Variants in WDPCP observed in about 807,000 individuals in gnomAD.
WDPCP encodes the protein WD repeat containing planar cell polarity effector.
Under a neutral mutation model 93.1 loss-of-function variants are expected in WDPCP, and 71 were observed. The observed-to-expected ratio is 0.76, with a 90% CI of 0.63 to 0.93. WDPCP has a LOEUF of 0.93. Ranked by LOEUF, WDPCP falls within the 40% of genes least tolerant of loss-of-function variation. WDPCP has a pLI of 0.00. For missense variants in WDPCP, 844 were observed against 887.4 expected (o/e 0.95, Z 0.62); for synonymous variants, 315 against 315.0 (o/e 1.00, Z 0.00).
chr2:63,420,361 T>TAAAAAAAAAAAA (rs60889615), intron 9 of WDPCP, among the ~76,000 whole-genome samples: 1 of 120,538 alleles, frequency 8.3e-6, no homozygotes, highest in African/African-American at 3.4e-5. Flanking sequence ...CATCTTTACT[T>TAAAAAAAAAAAA]AAAAAAAAAA....
chr2:63,538,093 A>T (rs939711796), intron 1 of WDPCP, among the ~76,000 whole-genome samples: 7 of 152,174 alleles, frequency 4.6e-5, no homozygotes, highest in African/African-American at 1.7e-4. Context: ...AATAAATCTT[A>T]AACTTTAAAG....
chr2:63,524,663 T>C (rs1703189190), intron 1 of WDPCP, among the ~76,000 whole-genome samples: 2 of 152,174 alleles, frequency 1.3e-5, no homozygotes. Flanking sequence ...GAAGACAACC[T>C]AGGAAATACC....
chr2:63,351,690 A>T (rs1689627303), intron 12 of WDPCP, among the ~76,000 whole-genome samples: 1 of 152,178 alleles, frequency 6.6e-6, no homozygotes, highest in Non-Finnish European at 1.5e-5. Context: ...ACATGAGTGG[A>T]TTCCATGTCA....
At chr2:63,166,014 G>A (rs997953254) in intron 15 of WDPCP, among the ~76,000 whole-genome samples, 2 of 149,974 alleles carry the variant, frequency 1.3e-5, no homozygotes, top group Non-Finnish European at 3.0e-5. Flanking sequence ...TGTAAATAAA[G>A]TTTTTTGTTT....
intron 14 of WDPCP, among the ~76,000 whole-genome samples, chr2:63,213,410 G>A (rs1677012544): frequency 6.6e-6 from 1 of 152,172 alleles, no homozygotes; most frequent in Non-Finnish European, 1.5e-5. Context: ...AAATAAAGAT[G>A]TTCTTTGAAA....
In WDPCP at chr2:63,385,099, A is replaced by C. The variant is rs561961482; in HGVS notation, c.1436-3005T>G. On this transcript the variant is annotated intron_variant, in intron 10 of 17. Transcript: ENST00000272321. ...ATAATCATTTCAATTGCTGCAGAAAAAGCACTTGGAAAAAAAATTCAACAT... is the reference window on the plus strand; with the variant it reads ...ATAATCATTTCAATTGCTGCAGAAACAGCACTTGGAAAAAAAATTCAACAT... Among the ~76,000 whole-genome samples the C allele has an allele frequency of 6.4e-4, 98 of 152,246 alleles. 1 individual carries two copies. The South Asian group carries it at 0.02, about 31-fold the overall frequency.
chr2:63,438,042 T>C (rs576288510), intron 7 of WDPCP: 2 of 1,254,510 alleles, frequency 1.6e-6, no homozygotes, highest in South Asian at 6.7e-5. Context: ...GTATACAAGC[T>C]GGATGAAATA....
intron 2 of WDPCP, among the ~76,000 whole-genome samples, chr2:63,707,931 G>A (rs1286987573): frequency 6.6e-6 from 1 of 152,184 alleles, no homozygotes; most frequent in Non-Finnish European, 1.5e-5. Context: ...AGCGGTGGCT[G>A]CAGAACAATG....
chr2:63,697,761 C>T (rs1445191435), intron 2 of WDPCP, among the ~76,000 whole-genome samples: 1 of 151,498 alleles, frequency 6.6e-6, no homozygotes, highest in African/African-American at 2.4e-5. Context: ...GATTCTCCCA[C>T]CTCAGCCTCT....
chr2:63,659,806 T>C (rs1339918169), intron 2 of WDPCP, among the ~76,000 whole-genome samples: 2 of 152,182 alleles, frequency 1.3e-5, no homozygotes, highest in Admixed American at 1.3e-4. Flanking sequence ...AATGGCCACC[T>C]CCATCCTTAG....
At chr2:63,587,169 A>T (rs780383756) in intron 1 of WDPCP, among the ~76,000 whole-genome samples, 1 of 152,232 alleles carries the variant, frequency 6.6e-6, no homozygotes, top group Non-Finnish European at 1.5e-5. Flanking sequence ...CTAATTCAGG[A>T]CTAGACACAT....
chr2:63,648,226 T>A (rs1197575330), intron 3 of WDPCP, among the ~76,000 whole-genome samples: 2 of 152,082 alleles, frequency 1.3e-5, no homozygotes, highest in Non-Finnish European at 2.9e-5. Context: ...TCCCCCTAAG[T>A]TTTTCTCATG....
chr2:63,287,922 T>C (rs570854188), intron 13 of WDPCP, among the ~76,000 whole-genome samples: 3 of 152,272 alleles, frequency 2.0e-5, no homozygotes, highest in African/African-American at 7.2e-5. Flanking sequence ...AGGTATGTAA[T>C]AAATGGTAAG....
At chr2:63,238,926 G>T (rs1315594742) in intron 14 of WDPCP, among the ~76,000 whole-genome samples, 1 of 152,120 alleles carries the variant, frequency 6.6e-6, no homozygotes, top group Non-Finnish European at 1.5e-5. Flanking sequence ...TGTAGAGTTT[G>T]CCAATTTCCA....
chr2:63,673,660 T>C (rs551624992), intron 2 of WDPCP, among the ~76,000 whole-genome samples: 1 of 152,220 alleles, frequency 6.6e-6, no homozygotes, highest in Admixed American at 6.5e-5. Flanking sequence ...TAACAGCATA[T>C]CAAAAACCCA....
At chr2:63,362,668 ATTTTC>A (rs1298850897) in intron 12 of WDPCP, among the ~76,000 whole-genome samples, 3 of 151,848 alleles carry the variant, frequency 2.0e-5, no homozygotes, top group Non-Finnish European at 4.4e-5. Flanking sequence ...AATTAAATCA[ATTTTC>A]TTTTCTTAAG....
At chr2:63,382,851 C>T (rs1200514128) in intron 10 of WDPCP, among the ~76,000 whole-genome samples, 2 of 152,120 alleles carry the variant, frequency 1.3e-5, no homozygotes, top group African/African-American at 2.4e-5. Flanking sequence ...AGCAGTAAAA[C>T]TTTACTATTC....
chr2:63,526,526 A>C (rs1703350380), intron 1 of WDPCP, among the ~76,000 whole-genome samples: 1 of 152,186 alleles, frequency 6.6e-6, no homozygotes, highest in Non-Finnish European at 1.5e-5. Flanking sequence ...TCTTGCCATG[A>C]CCTACCTTTC....
intron 14 of WDPCP, among the ~76,000 whole-genome samples, chr2:63,207,237 T>C (rs970276259): frequency 6.6e-6 from 1 of 152,228 alleles, no homozygotes; most frequent in African/African-American, 2.4e-5. Context: ...AATAGTGATA[T>C]GGTTTGACTG....
Sources: allele counts gnomAD v4.1 joint callset (sites outside exome capture counted in the v4.1 genomes callset), GRCh38; gene constraint gnomAD v4.1.1; transcripts MANE v1.5; gene names NCBI Gene and HGNC (gene_info 2026-07-23, HGNC 2026-07-21).